SLC24A3: variants seen among roughly 807,000 people sequenced by gnomAD.
SLC24A3 encodes solute carrier family 24 member 3, also known as sodium/potassium/calcium exchanger 3.
Under a neutral mutation model 75.8 loss-of-function variants are expected in SLC24A3, and 28 were observed. The observed-to-expected ratio is 0.37, with a 90% CI of 0.27 to 0.51. The LOEUF is 0.51. Among genes scored for constraint, SLC24A3 ranks in the 20% least tolerant of loss-of-function variants. SLC24A3 has a pLI of 0.94. For synonymous variants in SLC24A3, 372 were observed against 334.1 expected (o/e 1.11, Z -1.24); for missense variants, 663 against 847.8 (o/e 0.78, Z 2.71).
At chr20:19,700,496 G>A (rs1330429296) in intron 15 of SLC24A3, among the ~76,000 whole-genome samples, 5 of 152,210 alleles carry the variant, frequency 3.3e-5, no homozygotes, top group Non-Finnish European at 7.3e-5. Flanking sequence ...AAGGATCCAG[G>A]TAATTAGGTT....
chr20:19,325,910 A>G (rs2122284947), intron 2 of SLC24A3, among the ~76,000 whole-genome samples: 1 of 150,896 alleles, frequency 6.6e-6, no homozygotes. Flanking sequence ...CACTTTATAC[A>G]CATAGTCTGA....
At chr20:19,624,835 C>G (rs2031848523) in intron 6 of SLC24A3, among the ~76,000 whole-genome samples, 1 of 152,194 alleles carries the variant, frequency 6.6e-6, no homozygotes, top group African/African-American at 2.4e-5. Flanking sequence ...GTGGATGAGT[C>G]TACATATTAT....
intron 6 of SLC24A3, among the ~76,000 whole-genome samples, chr20:19,612,389 T>C (rs2031681856): frequency 6.6e-6 from 1 of 152,194 alleles, no homozygotes; most frequent in Non-Finnish European, 1.5e-5. Flanking sequence ...TAGTGTATAC[T>C]TTCAAGAAGC....
intron 3 of SLC24A3, 87 bp from the exon 4 acceptor site, chr20:19,579,913 C>G: frequency 1.3e-6 from 1 of 797,736 alleles, no homozygotes; most frequent in Non-Finnish European, 1.9e-6. Context: ...TGACAGAAGA[C>G]ATTATCAAAG....
intron 2 of SLC24A3, among the ~76,000 whole-genome samples, chr20:19,309,969 T>C (rs1227366825): frequency 6.6e-6 from 1 of 152,016 alleles, no homozygotes; most frequent in African/African-American, 2.4e-5. Flanking sequence ...GCTATCAGTG[T>C]CCGACCAGCC....
At chr20:19,625,146 T>TCTATTGCATC (rs1349151568) in intron 6 of SLC24A3, among the ~76,000 whole-genome samples, 144 of 152,298 alleles carry the variant, frequency 9.5e-4, no homozygotes, top group African/African-American at 3.3e-3. Flanking sequence ...CCCCATTACT[T>TCTATTGCATC]CTATTGCATC....
At chr20:19,541,064 T>C (rs1359856261) in intron 3 of SLC24A3, among the ~76,000 whole-genome samples, 1 of 152,232 alleles carries the variant, frequency 6.6e-6, no homozygotes, top group Non-Finnish European at 1.5e-5. Flanking sequence ...GAAAACCCCA[T>C]ACACACAGCT....
chr20:19,624,509 G>A (rs78477023), intron 6 of SLC24A3, among the ~76,000 whole-genome samples: 136 of 152,200 alleles, frequency 8.9e-4, no homozygotes, highest in Non-Finnish European at 1.2e-3. Flanking sequence ...AAATAGCAGC[G>A]GCTACTCAGG....
chr20:19,340,160 G>C (rs1455570109), intron 2 of SLC24A3, among the ~76,000 whole-genome samples: 1 of 152,196 alleles, frequency 6.6e-6, no homozygotes, highest in Non-Finnish European at 1.5e-5. Context: ...GGTTTTTACA[G>C]AGGTAATTAA....
At chr20:19,507,455 G>A (rs1240959488) in intron 2 of SLC24A3, among the ~76,000 whole-genome samples, 3 of 152,210 alleles carry the variant, frequency 2.0e-5, no homozygotes, top group Non-Finnish European at 2.9e-5. Context: ...CATGCTACAC[G>A]TACAAAATGC....
chr20:19,326,023 A>T (rs1984852111), intron 2 of SLC24A3, among the ~76,000 whole-genome samples: 1 of 151,926 alleles, frequency 6.6e-6, no homozygotes, highest in Non-Finnish European at 1.5e-5. Flanking sequence ...CTGGTGCTTC[A>T]TGTTGGTGCT....
At chr20:19,624,455 G>A (rs914862919) in intron 6 of SLC24A3, among the ~76,000 whole-genome samples, 3 of 152,194 alleles carry the variant, frequency 2.0e-5, no homozygotes, top group East Asian at 3.8e-4. Flanking sequence ...ACACAAGAAC[G>A]AACATTTATT....
At position 19,459,191 on chromosome 20, in the gene SLC24A3, AAAATAT is replaced by A. The variant is rs1987629461; in HGVS notation, c.272-56295_272-56290del. Among the ~76,000 whole-genome samples the A allele has an allele frequency of 5.9e-5, 9 of 152,352 alleles. 1 individual carries two copies. In the South Asian group the frequency reaches 1.9e-3, roughly 32 times the overall value. On this transcript the variant is annotated intron_variant, in intron 2 of 16. Transcript: ENST00000328041. ...TGGTTTACTGAGCTGCTTTCAATGG[AAAATAT>A]ATACATACAGATATATTTTAAAGAG...
intron 6 of SLC24A3, among the ~76,000 whole-genome samples, chr20:19,650,727 CA>C (rs2032192620): frequency 6.6e-6 from 1 of 152,080 alleles, no homozygotes; most frequent in Non-Finnish European, 1.5e-5. Context: ...TATTACTATA[CA>C]ACCACTCTTC....
chr20:19,475,437 A>G (rs1190787137), intron 2 of SLC24A3, among the ~76,000 whole-genome samples: 1 of 152,230 alleles, frequency 6.6e-6, no homozygotes, highest in Non-Finnish European at 1.5e-5. Flanking sequence ...TTGTAAATAC[A>G]AAGATAACTG....
chr20:19,236,619 G>A (rs993402693), intron 1 of SLC24A3, among the ~76,000 whole-genome samples: 1 of 152,156 alleles, frequency 6.6e-6, no homozygotes, highest in Non-Finnish European at 1.5e-5. Flanking sequence ...GGCCAGGCAT[G>A]GTGGTGCATG....
chr20:19,479,431 C>T (rs1298339503), intron 2 of SLC24A3, among the ~76,000 whole-genome samples: 2 of 152,222 alleles, frequency 1.3e-5, no homozygotes, highest in Non-Finnish European at 2.9e-5. Context: ...TCTGTTCTCC[C>T]TTCTCGCAGT....
Position 19,716,554 on chromosome 20 carries a change from A to G in SLC24A3, c.1720-974A>G, listed in dbSNP as rs377313829. ...AAGTTCTGCTCATCAGTGCTATTCT[A>G]TAGAAACTCCAAGGCTGGGTGCAGT... On this transcript the variant is annotated intron_variant, in intron 15 of 16. Transcript: ENST00000328041. Among the ~76,000 whole-genome samples the G allele has an allele frequency of 6.4e-4, 98 of 152,066 alleles. 1 individual carries two copies. The highest frequency in any genetic ancestry group is 2.0e-3 in the African/African-American group (83 of 41,492).
intron 6 of SLC24A3, among the ~76,000 whole-genome samples, chr20:19,629,936 G>A (rs1473806901): frequency 2.0e-5 from 3 of 152,156 alleles, no homozygotes; most frequent in Non-Finnish European, 4.4e-5. Context: ...ATTCTAGAAA[G>A]CCAAACAAAA....
Sources: allele counts gnomAD v4.1 joint callset (sites outside exome capture counted in the v4.1 genomes callset), GRCh38; gene constraint gnomAD v4.1.1; transcripts MANE v1.5; gene names NCBI Gene and HGNC (gene_info 2026-07-23, HGNC 2026-07-21).